RAB7A: variants seen among roughly 807,000 people sequenced by gnomAD.
RAB7A encodes the protein ras-related protein Rab-7a.
RAB7A carries 2 observed loss-of-function variants against 24.5 expected under a neutral mutation model. The ratio of observed to expected loss-of-function variants is 0.08; its 90% CI spans 0.03 to 0.26. The LOEUF (loss-of-function observed/expected upper bound fraction) is 0.26. RAB7A is among the 10% of genes least tolerant of loss of function. The pLI is 1.00. For synonymous variants in RAB7A, 100 were observed against 95.9 expected, an observed-to-expected ratio of 1.04 and a Z score of -0.25; for missense variants, 118 against 255.7, an observed-to-expected ratio of 0.46 and a Z score of 3.67.
chr3:128,787,503 C>T (rs1933364599), intron 1 of RAB7A, among the ~76,000 whole-genome samples: 1 of 152,180 alleles, frequency 6.6e-6, no homozygotes, highest in African/African-American at 2.4e-5. Flanking sequence ...ATGGTAGGAC[C>T]TGGGCTGACA....
chr3:128,768,799 C>T (rs191120878), intron 1 of RAB7A, among the ~76,000 whole-genome samples: 41 of 151,100 alleles, frequency 2.7e-4, no homozygotes, highest in Non-Finnish European at 3.1e-4. Context: ...CCAGCTTCAG[C>T]CTTTCCACCT....
At chr3:128,746,784 C>A (rs2070620924) in intron 1 of RAB7A, among the ~76,000 whole-genome samples, 1 of 150,734 alleles carries the variant, frequency 6.6e-6, no homozygotes, top group Non-Finnish European at 1.5e-5. Context: ...CCGCCTTGGC[C>A]TCCCGAAGTG....
intron 1 of RAB7A, among the ~76,000 whole-genome samples, chr3:128,785,645 G>A (rs1303246404): frequency 4.6e-5 from 7 of 151,374 alleles, no homozygotes; most frequent in African/African-American, 7.3e-5. Flanking sequence ...CTAGCTATTC[G>A]GGAGGCTGAG....
chr3:128,777,402 A>ATG (rs1933121527), intron 1 of RAB7A, among the ~76,000 whole-genome samples: 2 of 152,034 alleles, frequency 1.3e-5, no homozygotes, highest in Non-Finnish European at 2.9e-5. Context: ...GGGTCTCCCT[A>ATG]TGTGGCCCAG....
intron 3 of RAB7A, among the ~76,000 whole-genome samples, chr3:128,801,797 C>A (rs1182023141): frequency 6.6e-6 from 1 of 151,898 alleles, no homozygotes; most frequent in Non-Finnish European, 1.5e-5. Context: ...GGTGTGGCAC[C>A]AATCCACTGA....
intron 1 of RAB7A, among the ~76,000 whole-genome samples, chr3:128,752,754 TTA>T (rs2070698274): frequency 6.6e-6 from 1 of 151,794 alleles, no homozygotes. Context: ...TTTTTTTTTT[TTA>T]AAGTGTTTAT....
At chr3:128,781,900 C>T (rs1237968194) in intron 1 of RAB7A, among the ~76,000 whole-genome samples, 2 of 152,184 alleles carry the variant, frequency 1.3e-5, no homozygotes, top group African/African-American at 4.8e-5. Context: ...GTAATCCCAG[C>T]TCCTCAGGTG....
chr3:128,728,071 TTAAG>T lies in RAB7A; in HGVS notation c.-9+1715_-9+1718del, dbSNP rs997162859. On this transcript the variant is annotated intron_variant, in intron 1 of 5. Coordinates refer to ENST00000265062, the MANE Select transcript of RAB7A (RefSeq NM_004637.6). ...TGATAGGCACCTTTTTATTCATTCA[TTAAG>T]TATTTTGAGTATCCATTGAGTATCA... is the stretch of plus-strand genomic sequence containing the variant. Among the ~76,000 whole-genome samples the T allele has an allele frequency of 8.5e-5, 13 of 152,276 alleles. No individual in the cohort carries two copies. The East Asian group carries it at 2.5e-3, about 29-fold the overall frequency.
In RAB7A at chr3:128,772,025, T is replaced by C. The variant is rs1932951068; in HGVS notation, c.-8-23335T>C. On this transcript the variant is annotated intron_variant, in intron 1 of 5. Transcript: ENST00000265062. ...TCAAAAAGGGTAAGATCATAACTCA[T>C]TTTAAATATAAAATGAACACATGTT... Among the ~76,000 whole-genome samples the C allele has an allele frequency of 2.0e-5, 3 of 152,244 alleles. No individual in the cohort carries two copies. In the South Asian group the frequency reaches 6.2e-4, roughly 31 times the overall value.
chr3:128,767,619 C>G (rs989773125), intron 1 of RAB7A, among the ~76,000 whole-genome samples: 2 of 152,176 alleles, frequency 1.3e-5, no homozygotes, highest in Non-Finnish European at 2.9e-5. Flanking sequence ...GGTATGAGAA[C>G]AAGAGAAAGT....
At chr3:128,797,246 T>A (rs1002488119) in intron 2 of RAB7A, among the ~76,000 whole-genome samples, 1 of 152,206 alleles carries the variant, frequency 6.6e-6, no homozygotes, top group Non-Finnish European at 1.5e-5. Context: ...AACACAAATA[T>A]GAACATGTTC....
At chr3:128,763,455 G>A (rs528596443) in intron 1 of RAB7A, among the ~76,000 whole-genome samples, 1 of 151,998 alleles carries the variant, frequency 6.6e-6, no homozygotes, top group African/African-American at 2.4e-5. Context: ...CTGATTTTGT[G>A]ATCCGCCTGT....
chr3:128,742,086 CAG>C (rs1445587363), intron 1 of RAB7A, among the ~76,000 whole-genome samples: 1 of 152,144 alleles, frequency 6.6e-6, no homozygotes, highest in African/African-American at 2.4e-5. Flanking sequence ...CGGACATGTT[CAG>C]AGTTTATTCC....
intron 3 of RAB7A, among the ~76,000 whole-genome samples, chr3:128,803,108 C>A (rs1933734122): frequency 6.6e-6 from 1 of 152,168 alleles, no homozygotes; most frequent in South Asian, 2.1e-4. Context: ...CTGCGCTCAG[C>A]CAGTAGGGTA....
chr3:128,776,979 CA>C (rs1559790045), intron 1 of RAB7A, among the ~76,000 whole-genome samples: 12 of 151,938 alleles, frequency 7.9e-5, no homozygotes, highest in East Asian at 1.9e-4. Context: ...CACACACACA[CA>C]CACACACCCC....
chr3:128,765,487 G>A (rs1489722498), intron 1 of RAB7A, among the ~76,000 whole-genome samples: 3 of 152,150 alleles, frequency 2.0e-5, no homozygotes, highest in African/African-American at 7.2e-5. Flanking sequence ...GTTCCTTTGG[G>A]CTATTGTTGC....
At position 128,814,459 on chromosome 3, in the gene RAB7A, A is replaced by G. The variant is rs1033563652; in HGVS notation, c.*1037A>G. ...ACTTCAAAACTCCCGTTAGATCAGC[A>G]TTCTACTACAAGAGTGAAAGGAAAA... On this transcript the variant is annotated 3_prime_UTR_variant, in exon 6 of 6. Transcript: ENST00000265062. 18 of 152,568 alleles carry G rather than the reference A, an allele frequency of 1.2e-4. No individual in the cohort carries two copies. The highest frequency in any genetic ancestry group is 3.9e-4 in the African/African-American group (16 of 41,428). The allele number at this position is 152,568 out of a possible 1,614,324, so 9.5% of individuals were successfully genotyped here. A position where few individuals can be genotyped will look rare whatever the true frequency, so the allele number is the denominator to read the frequency against.
At chr3:128,759,104 A>G (rs1483775919) in intron 1 of RAB7A, among the ~76,000 whole-genome samples, 1 of 152,188 alleles carries the variant, frequency 6.6e-6, no homozygotes, top group African/African-American at 2.4e-5. Flanking sequence ...AGAAATCCAA[A>G]TGTGCCATAA....
At chr3:128,760,001 T>C (rs2070765131) in intron 1 of RAB7A, among the ~76,000 whole-genome samples, 1 of 152,164 alleles carries the variant, frequency 6.6e-6, no homozygotes, top group African/African-American at 2.4e-5. Context: ...TGAACCACCA[T>C]GCCCAGCCTC....
Sources: gnomAD v4.1 joint callset for allele counts (sites outside exome capture counted in the v4.1 genomes callset) on GRCh38, gnomAD v4.1.1 for gene constraint, MANE v1.5 for transcripts, NCBI Gene and HGNC (gene_info 2026-07-23, HGNC 2026-07-21) for gene names.